Variants in ARHGEF1 observed in about 807,000 individuals in gnomAD.
ARHGEF1 encodes the protein Rho guanine nucleotide exchange factor 1.
Under a neutral mutation model 119.7 loss-of-function variants are expected in ARHGEF1, and 40 were observed. The ratio of observed to expected loss-of-function variants is 0.33; its 90% confidence interval spans 0.26 to 0.44. The LOEUF (loss-of-function observed/expected upper bound fraction) is 0.44, where lower values mean the gene tolerates loss of function less well. Ranked by LOEUF, ARHGEF1 falls within the 20% of genes least tolerant of loss-of-function variation. ARHGEF1 has a pLI of 1.00. For missense variants in ARHGEF1, 976 were observed against 1,268.3 expected (o/e 0.77, Z 3.50); for synonymous variants, 494 against 521.0 (o/e 0.95, Z 0.71).
chr19:41,908,498 C>T (rs891171), downstream of ARHGEF1: 58,859 of 1,231,448 alleles, frequency 0.048, 13,426 homozygotes, highest in African/African-American at 0.61. This position sits in a 1 kb window ranked among gnomAD's most constrained non-coding sequence, Gnocchi z 6.7. Flanking sequence ...CTGCCCCTGA[C>T]GAGGGCAGGT....
intron 13 of ARHGEF1, chr19:41,896,996 GT>G (rs1555847879): frequency 7.2e-6 from 3 of 414,784 alleles, no homozygotes; most frequent in South Asian, 4.9e-5. Flanking sequence ...TCTCACCTGG[GT>G]TTTCTTTCCC....
rs534282197 is a variant in ARHGEF1, at chr19:41,924,780, G to A, written c.140+1547G>A. 4.6e-5 allele frequency among the ~76,000 whole-genome samples: 7 copies of A among 152,244 alleles called. No homozygotes were observed. The East Asian group carries it at 5.8e-4, about 13-fold the overall frequency. ...AGGTGTTATGCACGTGGAGGAAGGCGCTCCTCGAGGAGAGAGCTGGTCAGA... is the reference window on the plus strand; with the variant it reads ...AGGTGTTATGCACGTGGAGGAAGGCACTCCTCGAGGAGAGAGCTGGTCAGA... On this transcript the variant is annotated intron_variant, in intron 1 of 2. Transcript: ENST00000594417.
intron 14 of ARHGEF1, 111 bp from the exon 15 acceptor site, chr19:41,901,776 T>C: frequency 7.3e-7 from 1 of 1,367,496 alleles, no homozygotes; most frequent in Non-Finnish European, 9.8e-7. Flanking sequence ...TCCCACCAAC[T>C]TCTAGGAAGC....
chr19:41,897,018 C>G (rs1469322845), intron 13 of ARHGEF1: 2 of 438,910 alleles, frequency 4.6e-6, no homozygotes, highest in Non-Finnish European at 9.1e-6. Context: ...CACCTTCCAT[C>G]CCCCTCCGAT....
chr19:41,891,244 C>G (rs10419314), intron 4 of ARHGEF1, among the ~76,000 whole-genome samples: 33,410 of 151,840 alleles, frequency 0.22, 10,456 homozygotes, highest in African/African-American at 0.69. Flanking sequence ...GATTCGAATC[C>G]TAACTTTGCC....
chr19:41,884,255 T>A (rs2074259577), intron 1 of ARHGEF1: 2 of 657,420 alleles, frequency 3.0e-6, no homozygotes, highest in Non-Finnish European at 5.1e-6. Context: ...AGAGCGGCCC[T>A]ATCTGGCCTG....
chr19:41,912,528 G>A (rs138361059), intron 18 of ARHGEF1, among the ~76,000 whole-genome samples: 5 of 152,270 alleles, frequency 3.3e-5, no homozygotes, highest in Admixed American at 6.5e-5. Flanking sequence ...TCTTTTCCCC[G>A]CAGGTCCTGC....
chr19:41,907,399 G>A lies in ARHGEF1; in HGVS notation c.*312G>A, dbSNP rs1555850593. On this transcript the variant is annotated 3_prime_UTR_variant, in exon 29 of 29. Transcript: ENST00000354532. ...CCCCACCCCCAAGTGCCTTCGCTCT[G>A]TTTTTATACCCTGAATTGGAGGTTT... 1 of 1,534,546 alleles carries A rather than the reference G, an allele frequency of 6.5e-7. No individual in the cohort carries two copies. Among genetic ancestry groups the A allele is most frequent in the East Asian group, 2.4e-5 (1 of 40,854 alleles).
upstream of ARHGEF1, among the ~76,000 whole-genome samples, chr19:41,921,531 G>A (rs187724641): frequency 2.7e-5 from 4 of 148,124 alleles, no homozygotes; most frequent in East Asian, 1.9e-4. This position sits in a 1 kb window ranked among gnomAD's most constrained non-coding sequence, Gnocchi z 4.4. Context: ...GGGGAGATCC[G>A]AGGTGGGGAA....
At chr19:41,887,027 G>T (rs1317532915) in intron 1 of ARHGEF1, among the ~76,000 whole-genome samples, 1 of 152,186 alleles carries the variant, frequency 6.6e-6, no homozygotes, top group Non-Finnish European at 1.5e-5. Context: ...AGAGATGGGG[G>T]AGAAAAAGGG....
At chr19:41,912,037 C>T (rs1039554579), downstream of ARHGEF1, among the ~76,000 whole-genome samples, 1 of 152,018 alleles carries the variant, frequency 6.6e-6, no homozygotes, top group African/African-American at 2.4e-5. Context: ...CGAGACAGAC[C>T]GCAAGAAACA....
rs35481465 is a variant in ARHGEF1 at position 41,902,293 on chromosome 19, G to A, written c.1434G>A (p.Leu478=). Reference sequence around the variant, plus strand: ...CCACAGCCCTGTTCCTCGATCGCCTGATGAAGCGGAGGCAGGAGAGTGGCT... The same window carrying A: ...CCACAGCCCTGTTCCTCGATCGCCTAATGAAGCGGAGGCAGGAGAGTGGCT... ...IEVHSLFLDR[L]MKRRQESGYL... is the part of the protein sequence containing the mutation. Residue 478 remains leucine (L), a synonymous_variant, in exon 16 of 29, where the codon CTG becomes CTA. Transcript: ENST00000354532. The surrounding 1 kb of genome is among the most constrained non-coding windows in gnomAD (Gnocchi z 6.5). The A allele has an allele frequency of 2.9e-4, 464 of 1,614,218 alleles. No homozygotes were observed. In the African/African-American group the frequency reaches 4.4e-3, roughly 15 times the overall value.
chr19:41,898,375 C>G, intron 13 of ARHGEF1, 67 bp from the exon 14 acceptor site: 6 of 1,548,332 alleles, frequency 3.9e-6, no homozygotes, highest in South Asian at 1.2e-5. Context: ...GTTGAACGCT[C>G]TAAGAGGCTG....
At position 41,906,033 on chromosome 19, in the gene ARHGEF1, A is replaced by G; in HGVS notation, c.2491+8A>G. 1.2e-6 allele frequency: 2 copies of G among 1,613,380 alleles called. No homozygotes were observed. The highest frequency in any genetic ancestry group is 1.7e-6 in the Non-Finnish European group (2 of 1,179,692). On this transcript the variant is annotated splice_region_variant and intron_variant, in intron 26 of 28. Coordinates refer to ENST00000354532, the MANE Select transcript of ARHGEF1 (RefSeq NM_004706.4). The surrounding 1 kb of genome is among the most constrained non-coding windows in gnomAD (Gnocchi z 4.5). Reference sequence around the variant, plus strand: ...CCACGGCCCTTCGGAAAGGTAGCCCAGCTCTGCCCCTCCAGGGTGGCCACC... The same window carrying G: ...CCACGGCCCTTCGGAAAGGTAGCCCGGCTCTGCCCCTCCAGGGTGGCCACC...
chr19:41,921,017 C>T (rs576642903), upstream of ARHGEF1, among the ~76,000 whole-genome samples: 49 of 152,204 alleles, frequency 3.2e-4, no homozygotes, highest in African/African-American at 1.1e-3. This position sits in a 1 kb window ranked among gnomAD's most constrained non-coding sequence, Gnocchi z 4.4. Context: ...CCTGGGGCTG[C>T]GGACAGCAGC....
chr19:41,912,899 G>A, intron 18 of ARHGEF1: 2 of 1,231,646 alleles, frequency 1.6e-6, no homozygotes, highest in East Asian at 3.2e-5. Flanking sequence ...AGAGAAGGTC[G>A]GAGACGCAGC....
intron 1 of ARHGEF1, among the ~76,000 whole-genome samples, chr19:41,885,162 A>G (rs1368631077): frequency 1.3e-5 from 2 of 151,090 alleles, no homozygotes; most frequent in African/African-American, 2.4e-5. Context: ...AGATCCATCT[A>G]TTCTCTGACA....
At chr19:41,911,409 G>A (rs1174609786), downstream of ARHGEF1, among the ~76,000 whole-genome samples, 4 of 152,342 alleles carry the variant, frequency 2.6e-5, no homozygotes, top group Middle Eastern at 6.8e-3. Flanking sequence ...ACTGCTGTGC[G>A]CCAGGGCAGG....
intron 18 of ARHGEF1, among the ~76,000 whole-genome samples, chr19:41,914,567 CTGT>C (rs2074776460): frequency 4.4e-5 from 3 of 68,252 alleles, no homozygotes; most frequent in Non-Finnish European, 6.1e-5. Context: ...TCCACCATCT[CTGT>C]CTCCGTCTCT....
Sources: allele counts gnomAD v4.1 joint callset (sites outside exome capture counted in the v4.1 genomes callset), GRCh38; gene constraint gnomAD v4.1.1; non-coding constraint Gnocchi (gnomAD v3.1); transcripts MANE v1.5; gene names NCBI Gene and HGNC (gene_info 2026-07-23, HGNC 2026-07-21).